The following CHFR variants were observed in gnomAD, a reference collection of about 807,000 sequenced individuals.
CHFR encodes checkpoint with forkhead and ring finger domains, also known as E3 ubiquitin-protein ligase CHFR.
A neutral mutation model predicts 87.6 loss-of-function variants in CHFR; 57 were observed. The ratio of observed to expected loss-of-function variants is 0.65; its 90% confidence interval spans 0.53 to 0.81. The LOEUF (loss-of-function observed/expected upper bound fraction) is 0.81, where lower values mean the gene tolerates loss of function less well. Among genes scored for constraint, CHFR ranks in the 30% least tolerant of loss-of-function variants. The pLI is 0.00. For missense variants in CHFR, 797 were observed against 865.8 expected, an observed-to-expected ratio of 0.92 and a Z score of 1.00; for synonymous variants, 381 against 359.2, an observed-to-expected ratio of 1.06 and a Z score of -0.69.
At chr12:132,881,201 G>A (rs1330370876) in intron 2 of CHFR, among the ~76,000 whole-genome samples, 1 of 151,272 alleles carries the variant, frequency 6.6e-6, no homozygotes, top group Non-Finnish European at 1.5e-5. Flanking sequence ...GGAGGTTGCA[G>A]TGAGCTGAGA....
intron 15 of CHFR, 56 bp from the exon 16 acceptor site, chr12:132,844,190 G>A (rs147898853): frequency 1.1e-4 from 125 of 1,153,450 alleles, no homozygotes; most frequent in Non-Finnish European, 1.4e-4. Flanking sequence ...AGCAGCGCAC[G>A]GACTTCACAG....
At chr12:132,873,035 T>A (rs572049720) in intron 3 of CHFR, among the ~76,000 whole-genome samples, 1 of 152,276 alleles carries the variant, frequency 6.6e-6, no homozygotes, top group African/African-American at 2.4e-5. Context: ...AGCAGAGACC[T>A]GACAGCAAAT....
At chr12:132,846,125 A>G (rs1393481722) in intron 15 of CHFR, among the ~76,000 whole-genome samples, 3 of 152,020 alleles carry the variant, frequency 2.0e-5, no homozygotes, top group Admixed American at 1.3e-4. Flanking sequence ...CAGTCCTGTA[A>G]TGATGGTCTC....
intron 7 of CHFR, among the ~76,000 whole-genome samples, chr12:132,859,744 C>T (rs1042689917): frequency 1.3e-5 from 2 of 152,060 alleles, no homozygotes; most frequent in Non-Finnish European, 2.9e-5. Flanking sequence ...ATTTAAAAAG[C>T]CAAGTATTTA....
intron 6 of CHFR, among the ~76,000 whole-genome samples, chr12:132,863,726 T>C (rs182786381): frequency 4.6e-5 from 7 of 152,190 alleles, no homozygotes; most frequent in Admixed American, 2.6e-4. Context: ...ACGACAGGAA[T>C]GACCTTGGCA....
At chr12:132,878,950 A>G (rs926192782) in intron 2 of CHFR, among the ~76,000 whole-genome samples, 1 of 151,686 alleles carries the variant, frequency 6.6e-6, no homozygotes, top group Non-Finnish European at 1.5e-5. Flanking sequence ...AATGACAGTC[A>G]CAGAAAAAGT....
At chr12:132,873,933 C>T (rs1242917545) in intron 3 of CHFR, among the ~76,000 whole-genome samples, 1 of 152,174 alleles carries the variant, frequency 6.6e-6, no homozygotes, top group African/African-American at 2.4e-5. Flanking sequence ...GTGACTTTGC[C>T]GCTCACCACA....
rs1414983132 is a variant in CHFR at position 132,841,392 on chromosome 12, A to C, written c.*162T>G. On this transcript the variant is annotated 3_prime_UTR_variant, in exon 18 of 18. Transcript: ENST00000450056. ...GGGCTCTGGGGAGGGTCTCACTCAG[A>C]GGGTAAAGCTCCACAGAAGAGTCAC... 4.9e-6 allele frequency: 3 copies of C among 611,580 alleles called. No individual in the cohort carries two copies. The highest frequency in any genetic ancestry group is 8.7e-6 in the Non-Finnish European group (3 of 345,860). The allele number at this position is 611,580 out of a possible 1,614,324, so 37.9% of individuals were successfully genotyped here.
Position 132,853,025 on chromosome 12 carries a change from C to T in CHFR, c.1372+406G>A, listed in dbSNP as rs375400951. On this transcript the variant is annotated intron_variant, in intron 11 of 17. Coordinates refer to ENST00000450056, the MANE Select transcript of CHFR (RefSeq NM_001161346.2). ...TTTCGCATTAAGCCAACTCTGGTGA[C>T]GCAGGGCAGCTTCTGGTGACATCGC... 5.3e-5 allele frequency among the ~76,000 whole-genome samples: 8 copies of T among 152,314 alleles called. No individual in the cohort carries two copies. The East Asian group carries it at 5.8e-4, about 11-fold the overall frequency.
intron 3 of CHFR, among the ~76,000 whole-genome samples, chr12:132,876,641 A>T (rs1331584550): frequency 4.6e-5 from 7 of 152,224 alleles, no homozygotes; most frequent in Non-Finnish European, 5.9e-5. Context: ...AGCATCTTTT[A>T]AGTCTTATTT....
At chr12:132,860,362 G>A (rs1951185240) in intron 7 of CHFR, among the ~76,000 whole-genome samples, 1 of 151,722 alleles carries the variant, frequency 6.6e-6, no homozygotes, top group Non-Finnish European at 1.5e-5. Flanking sequence ...TCACTGCTGA[G>A]CCAAGTAGTT....
intron 7 of CHFR, among the ~76,000 whole-genome samples, chr12:132,860,325 T>A (rs1951184499): frequency 6.6e-6 from 1 of 152,216 alleles, no homozygotes; most frequent in Non-Finnish European, 1.5e-5. Flanking sequence ...TGATACTGTA[T>A]TTGTATTATT....
At chr12:132,881,958 G>A (rs566728902) in intron 2 of CHFR, among the ~76,000 whole-genome samples, 1 of 151,886 alleles carries the variant, frequency 6.6e-6, no homozygotes, top group African/African-American at 2.4e-5. Flanking sequence ...CTGTGGGACT[G>A]CAAAATGGAC....
chr12:132,869,505 T>C, intron 6 of CHFR, 114 bp downstream of exon 6: 1 of 921,976 alleles, frequency 1.1e-6, no homozygotes, highest in Non-Finnish European at 1.7e-6. Flanking sequence ...ATCTCACTAC[T>C]GAGAACCTCA....
intron 8 of CHFR, among the ~76,000 whole-genome samples, chr12:132,858,811 G>C (rs1304738081): frequency 6.7e-6 from 1 of 148,944 alleles, no homozygotes; most frequent in Non-Finnish European, 1.5e-5. Flanking sequence ...AGGCATAGTG[G>C]TGTGCACCTG....
intron 15 of CHFR, among the ~76,000 whole-genome samples, chr12:132,846,129 T>C (rs891136250): frequency 2.6e-5 from 4 of 152,148 alleles, no homozygotes; most frequent in Non-Finnish European, 5.9e-5. Context: ...CCTGTAATGA[T>C]GGTCTCAAGC....
intron 13 of CHFR, 79 bp from the exon 14 acceptor site, chr12:132,848,234 A>C (rs755355779): frequency 6.2e-7 from 1 of 1,602,112 alleles, no homozygotes; most frequent in Admixed American, 1.7e-5. Flanking sequence ...CTGAGGATAA[A>C]CATATTTCTT....
intron 11 of CHFR, among the ~76,000 whole-genome samples, chr12:132,852,200 G>A (rs1308042878): frequency 4.6e-5 from 7 of 151,638 alleles, no homozygotes; most frequent in African/African-American, 1.7e-4. Flanking sequence ...ATGTTAGCCA[G>A]GATGGTCTCA....
intron 5 of CHFR, 64 bp from the exon 6 acceptor site, chr12:132,869,862 A>T: frequency 6.5e-7 from 1 of 1,527,954 alleles, no homozygotes; most frequent in Non-Finnish European, 8.9e-7. Flanking sequence ...CAGAAGCAGC[A>T]CACAACCAGG....
Sources: gnomAD v4.1 joint callset for allele counts (sites outside exome capture counted in the v4.1 genomes callset) on GRCh38, gnomAD v4.1.1 for gene constraint, MANE v1.5 for transcripts, NCBI Gene and HGNC (gene_info 2026-07-23, HGNC 2026-07-21) for gene names.